Variants in AQP9 observed in about 807,000 individuals in gnomAD.
The protein encoded by AQP9 is aquaporin 9, also known as aquaporin-9.
In AQP9, 19 loss-of-function variants were observed where a neutral mutation model predicts 23.8. That is an observed-to-expected ratio of 0.80 (90% CI 0.56 to 1.17). The LOEUF (loss-of-function observed/expected upper bound fraction) is 1.17, where lower values mean the gene tolerates loss of function less well. AQP9 is among the 50% of genes most tolerant of loss of function. AQP9 has a pLI of 0.00. For missense variants in AQP9, 413 were observed against 362.0 expected, an observed-to-expected ratio of 1.14 and a Z score of -1.14; for synonymous variants, 153 against 131.5, an observed-to-expected ratio of 1.16 and a Z score of -1.12.
intron 1 of AQP9, chr15:58,155,285 T>C (rs1898226513): frequency 6.6e-6 from 1 of 152,200 alleles, no homozygotes; most frequent in Admixed American, 6.5e-5. Flanking sequence ...TCATTTATAT[T>C]TCTAGAAACC....
intron 2 of AQP9, among the ~76,000 whole-genome samples, chr15:58,171,608 G>GA (rs1898623017): frequency 6.6e-6 from 1 of 152,170 alleles, no homozygotes; most frequent in Non-Finnish European, 1.5e-5. Context: ...TGTTTATAAG[G>GA]CTTTAGGAAA....
chr15:58,138,186 A>G (rs1897890535), upstream of AQP9: 3 of 159,802 alleles, frequency 1.9e-5, no homozygotes, highest in African/African-American at 7.2e-5. Context: ...TTTCTGGACC[A>G]GGGCCCGTCA....
chr15:58,174,902 GC>G lies in AQP9; in HGVS notation c.377-15del, dbSNP rs754737813. On this transcript the variant is annotated splice_polypyrimidine_tract_variant and intron_variant, in intron 3 of 5. Coordinates refer to ENST00000219919, the MANE Select transcript of AQP9 (RefSeq NM_020980.5). The stretch of plus-strand genomic sequence containing the variant: ...TCCCAGGGAACACTAATGTGCCAGA[GC>G]TTTCTCTTTCATAGATGGACTTATG... 74 of 1,607,604 alleles carry G rather than the reference GC, an allele frequency of 4.6e-5. No homozygotes were observed. The highest frequency in any genetic ancestry group is 1.6e-4 in the Middle Eastern group (1 of 6,074).
chr15:58,150,709 T>C (rs1898133059), intron 1 of AQP9: 1 of 152,224 alleles, frequency 6.6e-6, no homozygotes, highest in Non-Finnish European at 1.5e-5. Context: ...TTAATATTTA[T>C]ATAGAAAAAT....
At chr15:58,142,806 C>T (rs1233733097) in intron 1 of AQP9, among the ~76,000 whole-genome samples, 1 of 152,118 alleles carries the variant, frequency 6.6e-6, no homozygotes, top group Non-Finnish European at 1.5e-5. Flanking sequence ...TGCTATTTTA[C>T]AAAACCATCC....
intron 1 of AQP9, chr15:58,164,028 A>G (rs1482218391): frequency 6.6e-6 from 1 of 152,618 alleles, no homozygotes; most frequent in Non-Finnish European, 1.5e-5. Flanking sequence ...CTGGGCTCCA[A>G]TCTTCTGAGT....
chr15:58,160,132 A>G (rs1442024612), intron 1 of AQP9, among the ~76,000 whole-genome samples: 1 of 152,236 alleles, frequency 6.6e-6, no homozygotes, highest in Non-Finnish European at 1.5e-5. Flanking sequence ...ACAACAGCGT[A>G]TAAATGTTCC....
At chr15:58,166,546 T>G (rs1348218765) in intron 1 of AQP9, 127 bp from the exon 2 acceptor site, 3 of 1,242,912 alleles carry the variant, frequency 2.4e-6, no homozygotes, top group Non-Finnish European at 3.3e-6. Context: ...CATTATAATT[T>G]GATTTGTATA....
intron 3 of AQP9, among the ~76,000 whole-genome samples, chr15:58,173,731 T>C (rs1898677982): frequency 6.6e-6 from 1 of 152,168 alleles, no homozygotes; most frequent in Non-Finnish European, 1.5e-5. Context: ...AGACTTTAGC[T>C]CTAGCTGTTC....
At chr15:58,180,319 T>G (rs1204663525) in intron 5 of AQP9, among the ~76,000 whole-genome samples, 4 of 152,186 alleles carry the variant, frequency 2.6e-5, no homozygotes, top group African/African-American at 9.7e-5. Context: ...TGTTCCCAAA[T>G]GATGACCTAG....
At chr15:58,158,752 G>T (rs1256171224) in intron 1 of AQP9, among the ~76,000 whole-genome samples, 2 of 152,092 alleles carry the variant, frequency 1.3e-5, no homozygotes, top group African/African-American at 4.8e-5. Context: ...GATCACAAAA[G>T]GTAGATAGAA....
rs147604172 is a variant in AQP9, at chr15:58,175,875, T to A, written c.495+839T>A. On this transcript the variant is annotated intron_variant, in intron 4 of 5. Coordinates refer to ENST00000219919, the MANE Select transcript of AQP9 (RefSeq NM_020980.5). ...TTTACTTTCCACTTTCATCAATAAA[T>A]CAAACAGGCAACAAGTGTTCATTAA... is the stretch of plus-strand genomic sequence containing the variant. Among the ~76,000 whole-genome samples, 189 of 152,322 alleles carry A rather than the reference T, an allele frequency of 1.2e-3. 1 individual carries two copies. Among genetic ancestry groups the A allele is most frequent in the Admixed American group, 4.2e-3 (65 of 15,296 alleles).
chr15:58,169,685 A>T (rs1386339779), intron 2 of AQP9, among the ~76,000 whole-genome samples: 1 of 152,212 alleles, frequency 6.6e-6, no homozygotes, highest in Non-Finnish European at 1.5e-5. Flanking sequence ...TCTTTTAAAT[A>T]TAAAACATCA....
chr15:58,173,285 G>A (rs1595743061), intron 3 of AQP9, 80 bp downstream of exon 3: 4 of 1,569,312 alleles, frequency 2.5e-6, no homozygotes, highest in South Asian at 1.1e-5. Flanking sequence ...AGGCACAGGC[G>A]AGAAAAAGCA....
chr15:58,163,149 T>C (rs1226998485), intron 1 of AQP9, among the ~76,000 whole-genome samples: 4 of 152,156 alleles, frequency 2.6e-5, no homozygotes, highest in African/African-American at 9.7e-5. Context: ...GAATAAAAGA[T>C]TAATGAGGAA....
intron 1 of AQP9, among the ~76,000 whole-genome samples, chr15:58,147,420 T>G (rs1249903361): frequency 1.3e-5 from 2 of 152,156 alleles, no homozygotes; most frequent in Non-Finnish European, 2.9e-5. Context: ...AGAAATTAGG[T>G]GCCCATTATA....
chr15:58,148,614 T>A (rs1327015769), intron 1 of AQP9, among the ~76,000 whole-genome samples: 2 of 152,334 alleles, frequency 1.3e-5, no homozygotes, highest in South Asian at 2.1e-4. Flanking sequence ...GTTATCCTGA[T>A]GCAAACACAA....
intron 3 of AQP9, 142 bp from the exon 4 acceptor site, chr15:58,174,776 T>A: frequency 1.4e-6 from 1 of 692,722 alleles, no homozygotes; most frequent in Non-Finnish European, 2.5e-6. Flanking sequence ...AAAACTATCA[T>A]TCCTCGGAAG....
At position 58,184,054 on chromosome 15, in the gene AQP9, C is replaced by T. The variant is rs778130721; in HGVS notation, c.807C>T (p.His269=). 6.2e-7 allele frequency: 1 copy of T among 1,614,086 alleles called. No individual in the cohort carries two copies. Among genetic ancestry groups the T allele is most frequent in the Non-Finnish European group, 8.5e-7 (1 of 1,179,964 alleles). The part of the protein sequence containing the change: ...GLIYVLVIEI[H]HPEPDSVFKT... ...TCTATGTTCTTGTCATTGAAATCCACCATCCAGAGCCTGACTCAGTCTTTA... is the reference window on the plus strand; with the variant it reads ...TCTATGTTCTTGTCATTGAAATCCATCATCCAGAGCCTGACTCAGTCTTTA... The change falls in exon 6 of 6, where the codon CAC becomes CAT. Residue 269 remains histidine, a synonymous_variant. Transcript: ENST00000219919.
Sources: allele counts gnomAD v4.1 joint callset (sites outside exome capture counted in the v4.1 genomes callset), GRCh38; gene constraint gnomAD v4.1.1; transcripts MANE v1.5; gene names NCBI Gene and HGNC (gene_info 2026-07-23, HGNC 2026-07-21).